The following EHBP1L1 variants were observed in gnomAD, a reference collection of about 807,000 sequenced individuals.
EHBP1L1 encodes EH domain-binding protein 1-like protein 1.
Under a neutral mutation model 151.1 loss-of-function variants are expected in EHBP1L1, and 122 were observed. The ratio of observed to expected loss-of-function variants is 0.81; its 90% CI spans 0.70 to 0.94. The LOEUF is 0.94. EHBP1L1 is among the 40% of genes least tolerant of loss of function. The pLI is 0.00. For synonymous variants in EHBP1L1, 878 were observed against 810.1 expected (o/e 1.08, Z -1.42); for missense variants, 1,941 against 1,959.8 (o/e 0.99, Z 0.18).
At position 65,591,629 on chromosome 11, in the gene EHBP1L1, C is replaced by T. The variant is rs199759707; in HGVS notation, c.4284-171C>T. Reference sequence around the variant, plus strand: ...GCAATTGGAGAAAACAGAAGAAAAGCGATAATGTGGTCTGGAGACTAGAGG... The same window carrying T: ...GCAATTGGAGAAAACAGAAGAAAAGTGATAATGTGGTCTGGAGACTAGAGG... On this transcript the variant is annotated intron_variant, in intron 16 of 18. Transcript: ENST00000309295. 1.2e-5 allele frequency: 8 copies of T among 651,996 alleles called. No homozygotes were observed. The East Asian group carries it at 2.2e-4, about 18-fold the overall frequency. 40.4% of individuals were successfully genotyped at this position (651,996 alleles called of 1,614,324 possible).
At position 65,585,647 on chromosome 11, in the gene EHBP1L1, T is replaced by G. The variant is rs1857932583; in HGVS notation, c.3933+56T>G. The G allele has an allele frequency of 2.6e-6, 4 of 1,525,226 alleles. No homozygotes were observed. In the African/African-American group the frequency reaches 4.1e-5, roughly 16 times the overall value. The allele number at this position is 1,525,226 out of a possible 1,614,324, so 94.5% of individuals were successfully genotyped here. Reference sequence around the variant, plus strand: ...GCCGCAGCGCGGGGTCCCGGGAAGATGGGCAGAGAACGGGCGAGCCCCCAA... The same window carrying G: ...GCCGCAGCGCGGGGTCCCGGGAAGAGGGGCAGAGAACGGGCGAGCCCCCAA... On this transcript the variant is annotated intron_variant, in intron 12 of 18. Coordinates refer to ENST00000309295, the MANE Select transcript of EHBP1L1 (RefSeq NM_001099409.3). This position sits in a 1 kb window ranked among gnomAD's most constrained non-coding sequence, Gnocchi z 4.0.
chr11:65,585,555 C>T lies in EHBP1L1; in HGVS notation c.3897C>T (p.Asp1299=). The stretch of plus-strand genomic sequence containing the variant: ...GGAACAGCAGCTCGTTCTCGATGGA[C>T]GATCCGGACGCGGGAGCCATGGGAG... ...RLRNSSSFSM[D]DPDAGAMGAA... The change falls in exon 12 of 19, where the codon GAC becomes GAT. Residue 1299 remains aspartate (D), a synonymous_variant. Transcript: ENST00000309295. The surrounding 1 kb of genome is among the most constrained non-coding windows in gnomAD (Gnocchi z 4.0). The T allele has an allele frequency of 6.3e-7, 1 of 1,582,620 alleles. No homozygotes were observed. Among genetic ancestry groups the T allele is most frequent in the Non-Finnish European group, 8.5e-7 (1 of 1,171,794 alleles).
chr11:65,591,631 A>G, intron 16 of EHBP1L1, 169 bp from the exon 17 acceptor site: 1 of 655,852 alleles, frequency 1.5e-6, no homozygotes, highest in Non-Finnish European at 2.8e-6. Context: ...AAGAAAAGCG[A>G]TAATGTGGTC....
Position 65,592,502 on chromosome 11 carries a change from G to T in EHBP1L1, c.*200G>T, listed in dbSNP as rs1858391603. 2 of 236,632 alleles carry T rather than the reference G, an allele frequency of 8.5e-6. No homozygotes were observed. The highest frequency in any genetic ancestry group is 1.5e-5 in the Non-Finnish European group (2 of 134,656). The allele number at this position is 236,632 out of a possible 1,614,324, so 14.7% of individuals were successfully genotyped here. ...CCGCCGTATTTATTTGTCACCGAGG[G>T]TGTGTGCGCGCTCGCGGCGGGTGCG... On this transcript the variant is annotated 3_prime_UTR_variant, in exon 19 of 19. Coordinates refer to ENST00000309295, the MANE Select transcript of EHBP1L1 (RefSeq NM_001099409.3).
At chr11:65,588,398 G>A (rs1858086847) in intron 12 of EHBP1L1, among the ~76,000 whole-genome samples, 1 of 152,204 alleles carries the variant, frequency 6.6e-6, no homozygotes, top group Admixed American at 6.5e-5. Flanking sequence ...CTGGGGGGCT[G>A]AGGAGAGATG....
chr11:65,592,356 C>T lies in EHBP1L1; in HGVS notation c.*54C>T, dbSNP rs966980724. The T allele has an allele frequency of 7.0e-6, 9 of 1,287,888 alleles. No individual in the cohort carries two copies. Among genetic ancestry groups the T allele is most frequent in the African/African-American group, 1.6e-5 (1 of 62,384 alleles). The allele number at this position is 1,287,888 out of a possible 1,614,324, so 79.8% of individuals were successfully genotyped here. On this transcript the variant is annotated 3_prime_UTR_variant, in exon 19 of 19. Coordinates refer to ENST00000309295, the MANE Select transcript of EHBP1L1 (RefSeq NM_001099409.3). The stretch of plus-strand genomic sequence containing the variant: ...CTCGCGTCCCCGGCGTCCGCCGCCG[C>T]CCCGGGCCTGCGCTGCGGACGACCC...
chr11:65,577,919 G>T (rs1011282550), intron 1 of EHBP1L1, among the ~76,000 whole-genome samples: 1 of 152,170 alleles, frequency 6.6e-6, no homozygotes, highest in Admixed American at 6.5e-5. Context: ...CCAGCATCAC[G>T]AGAGGGTGCA....
At chr11:65,580,914 G>A (rs1173809928) in intron 6 of EHBP1L1, 144 bp from the exon 7 acceptor site, 3 of 1,437,308 alleles carry the variant, frequency 2.1e-6, no homozygotes, top group Non-Finnish European at 2.7e-6. Context: ...CTGTGGGCCT[G>A]TCTCTTCTCG....
chr11:65,590,200 C>T lies in EHBP1L1; in HGVS notation c.4173C>T (p.Leu1391=), dbSNP rs1858196433. Residue 1391 remains leucine (L), a synonymous_variant, in exon 15 of 19, where the codon CTC becomes CTT. Transcript: ENST00000309295. ...AAEVEMQLRS[L]MESGANKLQE... ...AGGTGGAGATGCAGCTGAGGAGCCT[C>T]ATGGAGTCAGGTGGGGCATACATCT... The T allele has an allele frequency of 6.2e-7, 1 of 1,613,408 alleles. No individual in the cohort carries two copies.
chr11:65,592,026 G>A lies in EHBP1L1; in HGVS notation c.4408G>A (p.Glu1470Lys), dbSNP rs770198955. 6.2e-7 allele frequency: 1 copy of A among 1,613,356 alleles called. No homozygotes were observed. The highest frequency in any genetic ancestry group is 8.5e-7 in the Non-Finnish European group (1 of 1,179,726). Residue 1470 changes from glutamate to lysine, a missense_variant, in exon 18 of 19, where the codon GAG becomes AAG. By Grantham distance (56) the Glu-to-Lys change is moderately conservative (BLOSUM62 1). Coordinates refer to ENST00000309295, the MANE Select transcript of EHBP1L1 (RefSeq NM_001099409.3). ...QQHREQLLLEELVSLVNQRDE... is the reference protein window; with the variant it reads ...QQHREQLLLEKLVSLVNQRDE... Reference sequence around the variant, plus strand: ...GCACCGAGAGCAGCTCCTACTGGAGGAGCTGGTGTCGCTGGTGAACCAGCG... The same window carrying A: ...GCACCGAGAGCAGCTCCTACTGGAGAAGCTGGTGTCGCTGGTGAACCAGCG...
At chr11:65,590,895 G>A (rs1858240330) in intron 16 of EHBP1L1, among the ~76,000 whole-genome samples, 1 of 152,098 alleles carries the variant, frequency 6.6e-6, no homozygotes, top group African/African-American at 2.4e-5. Flanking sequence ...GCCAAGTATG[G>A]TGGCACGCGC....
chr11:65,577,599 G>T (rs1399018031), intron 1 of EHBP1L1, among the ~76,000 whole-genome samples: 1 of 152,096 alleles, frequency 6.6e-6, no homozygotes, highest in Admixed American at 6.5e-5. Flanking sequence ...CCGGGAAGCT[G>T]CCCCTGCCCA....
chr11:65,591,735 T>A, intron 16 of EHBP1L1, 65 bp from the exon 17 acceptor site: 1 of 1,339,772 alleles, frequency 7.5e-7, no homozygotes, highest in Non-Finnish European at 1.0e-6. Flanking sequence ...CCCTGGGCAC[T>A]CTCTCCCTAC....
At chr11:65,584,086 C>T (rs1857796856) in intron 9 of EHBP1L1, 155 bp from the exon 10 acceptor site, 1 of 1,469,104 alleles carries the variant, frequency 6.8e-7, no homozygotes. Flanking sequence ...GATCTAGAAA[C>T]CCTTTTACCT....
At position 65,579,366 on chromosome 11, in the gene EHBP1L1, A is replaced by G. The variant is rs750135253; in HGVS notation, c.188A>G (p.Gln63Arg). 1.0e-5 allele frequency: 16 copies of G among 1,574,434 alleles called. No individual in the cohort carries two copies. The Middle Eastern group carries it at 5.0e-4, about 49-fold the overall frequency. The part of the protein sequence containing the change: ...SKAHSWQPGI[Q>R]NPYRGTVVWM... ...GCCCACAGCTGGCAGCCGGGCATCC[A>G]GAACCCATACCGGGGCACCGTGGTG... The change falls in exon 3 of 19, where the codon CAG becomes CGG. Residue 63 changes from glutamine to arginine, a missense_variant. By Grantham distance (43) the Gln-to-Arg change is conservative. Transcript: ENST00000309295.
intron 11 of EHBP1L1, 102 bp from the exon 12 acceptor site, chr11:65,584,857 G>A: frequency 6.9e-7 from 1 of 1,443,232 alleles, no homozygotes; most frequent in Non-Finnish European, 9.2e-7. Context: ...GGCAAAACCC[G>A]GGGTGCCAAT....
At chr11:65,591,773 C>G (rs1565135205) in intron 16 of EHBP1L1, 27 bp from the exon 17 acceptor site, 4 of 1,093,502 alleles carry the variant, frequency 3.7e-6, no homozygotes, top group South Asian at 1.3e-5. Flanking sequence ...GCCACCCCCC[C>G]GCCACCCACC....
At chr11:65,576,809 A>G (rs568611316) in intron 1 of EHBP1L1, among the ~76,000 whole-genome samples, 67 of 151,618 alleles carry the variant, frequency 4.4e-4, no homozygotes, top group South Asian at 1.3e-3. Flanking sequence ...GACCTTACTT[A>G]GTCCAGCTAA....
At chr11:65,590,051 T>G in intron 14 of EHBP1L1, 36 bp from the exon 15 acceptor site, 1 of 1,613,046 alleles carries the variant, frequency 6.2e-7, no homozygotes, top group Non-Finnish European at 8.5e-7. Context: ...GGGCCTGGGC[T>G]GAGTCCACCC....
Sources: gnomAD v4.1 joint callset for allele counts (sites outside exome capture counted in the v4.1 genomes callset) on GRCh38, gnomAD v4.1.1 for gene constraint, Gnocchi (gnomAD v3.1) non-coding constraint, MANE v1.5 for transcripts, NCBI Gene and HGNC (gene_info 2026-07-23, HGNC 2026-07-21) for gene names.